MARK1: variants seen among roughly 807,000 people sequenced by gnomAD.
MARK1 encodes the protein microtubule affinity regulating kinase 1.
MARK1 carries 40 observed loss-of-function variants against 96.3 expected under a neutral mutation model. The ratio of observed to expected loss-of-function variants is 0.42; its 90% confidence interval spans 0.32 to 0.54. The LOEUF (loss-of-function observed/expected upper bound fraction) is 0.54, where lower values mean the gene tolerates loss of function less well. Among genes scored for constraint, MARK1 ranks in the 20% least tolerant of loss-of-function variants. The pLI is 0.16. For synonymous variants in MARK1, 317 were observed against 341.2 expected (o/e 0.93, Z 0.78); for missense variants, 719 against 984.6 (o/e 0.73, Z 3.61).
intron 1 of MARK1, among the ~76,000 whole-genome samples, chr1:220,560,819 T>G (rs1558259551): frequency 6.6e-6 from 1 of 152,200 alleles, no homozygotes; most frequent in Admixed American, 6.5e-5. Flanking sequence ...CCAGAGAAAG[T>G]GAAATCACAG....
chr1:220,621,476 C>G (rs981144712), intron 9 of MARK1, among the ~76,000 whole-genome samples: 2 of 151,966 alleles, frequency 1.3e-5, no homozygotes, highest in African/African-American at 4.8e-5. Flanking sequence ...GATACAAATT[C>G]TAGTATTTGA....
At chr1:220,613,820 C>G (rs894781681) in intron 6 of MARK1, among the ~76,000 whole-genome samples, 3 of 152,154 alleles carry the variant, frequency 2.0e-5, no homozygotes, top group Non-Finnish European at 4.4e-5. Flanking sequence ...CCCAGTCACC[C>G]TGCCCAAGAA....
rs527860475 is a variant in MARK1 at position 220,592,938 on chromosome 1, T to C, written c.310-5393T>C. On this transcript the variant is annotated intron_variant, in intron 3 of 17. Transcript: ENST00000366917. ...CTGAGTTGTGATTTTTTAAGTCATT[T>C]CCTACAGCTTAACAAATAAATAAAA... Among the ~76,000 whole-genome samples the C allele has an allele frequency of 1.2e-4, 19 of 152,350 alleles. 1 individual carries two copies. The South Asian group carries it at 2.9e-3, about 23-fold the overall frequency.
At chr1:220,542,681 T>G (rs1290607334) in intron 1 of MARK1, among the ~76,000 whole-genome samples, 1 of 152,196 alleles carries the variant, frequency 6.6e-6, no homozygotes, top group Non-Finnish European at 1.5e-5. Flanking sequence ...TGGTTAACTT[T>G]TAGCTGTTGT....
chr1:220,538,177 C>A (rs1660861914), intron 1 of MARK1, among the ~76,000 whole-genome samples: 1 of 151,420 alleles, frequency 6.6e-6, no homozygotes, highest in Admixed American at 6.6e-5. Flanking sequence ...AATGGTAATG[C>A]CTAGGTTTTC....
Position 220,538,613 on chromosome 1 carries a change from C to G in MARK1, c.51+9740C>G, listed in dbSNP as rs12057242. Reference sequence around the variant, plus strand: ...TTTTTTCCAATTCTGTGAAGAAAGTCATTGGTAGCTTGATGGGGATGGCAT... The same window carrying G: ...TTTTTTCCAATTCTGTGAAGAAAGTGATTGGTAGCTTGATGGGGATGGCAT... On this transcript the variant is annotated intron_variant, in intron 1 of 17. Transcript: ENST00000366917. Among the ~76,000 whole-genome samples the G allele has an allele frequency of 4.8e-3, 719 of 151,006 alleles. 3 individuals are homozygous for G. Among genetic ancestry groups the G allele is most frequent in the Middle Eastern group, 0.01 (3 of 294 alleles).
intron 1 of MARK1, among the ~76,000 whole-genome samples, chr1:220,549,037 A>G (rs536271446): frequency 1.3e-5 from 2 of 152,190 alleles, no homozygotes; most frequent in African/African-American, 4.8e-5. Flanking sequence ...ATACAGGCTC[A>G]GCCACTCCCT....
At chr1:220,635,324 CTTTTTTTT>C (rs71794752) in intron 11 of MARK1, 44 bp from the exon 12 acceptor site, 2 of 1,154,678 alleles carry the variant, frequency 1.7e-6, no homozygotes, top group Admixed American at 3.5e-5. Flanking sequence ...TTTGTGCAAA[CTTTTTTTT>C]TTTTTTTTTT....
At chr1:220,651,957 T>C (rs375108859) in intron 14 of MARK1, 29 bp from the exon 15 acceptor site, 49 of 1,471,412 alleles carry the variant, frequency 3.3e-5, no homozygotes, top group Non-Finnish European at 4.3e-5. Flanking sequence ...TTTTTTTCCA[T>C]GGTCTTCTCA....
Position 220,654,566 on chromosome 1 carries a change from T to G in MARK1, c.1988+1214T>G, listed in dbSNP as rs1320194601. On this transcript the variant is annotated intron_variant, in intron 16 of 17. Coordinates refer to ENST00000366917, the MANE Select transcript of MARK1 (RefSeq NM_018650.5). The surrounding 1 kb of genome is among the most constrained non-coding windows in gnomAD (Gnocchi z 4.0). ...GGGCAATTACTATGCAGCATGAAAC[T>G]TGCTAGAGAAAGAACTAAAAGTTCA... is the stretch of plus-strand genomic sequence containing the variant. Among the ~76,000 whole-genome samples the G allele has an allele frequency of 6.6e-6, 1 of 152,204 alleles. No homozygotes were observed. The highest frequency in any genetic ancestry group is 1.5e-5 in the Non-Finnish European group (1 of 68,028).
intron 13 of MARK1, among the ~76,000 whole-genome samples, chr1:220,641,892 T>G (rs981119526): frequency 6.6e-6 from 1 of 152,170 alleles, no homozygotes; most frequent in African/African-American, 2.4e-5. Context: ...CACTACGCTT[T>G]TCCCACAGAT....
chr1:220,650,695 G>A lies in MARK1; in HGVS notation c.1546G>A (p.Ala516Thr). ...TGAAAGGACCACAGATCGATACGTA[G>A]CATTGCAGAATGGAAAAGACAGCAG... ...VCERTTDRYV[A>T]LQNGKDSSLT... Residue 516 changes from alanine (A) to threonine (T), a missense_variant, in exon 14 of 18, where the codon GCA becomes ACA. By Grantham distance (58) the Ala-to-Thr change is moderately conservative. Coordinates refer to ENST00000366917, the MANE Select transcript of MARK1 (RefSeq NM_018650.5). 6.2e-7 allele frequency: 1 copy of A among 1,613,568 alleles called. No individual in the cohort carries two copies. Among genetic ancestry groups the A allele is most frequent in the Non-Finnish European group, 8.5e-7 (1 of 1,179,570 alleles).
intron 1 of MARK1, among the ~76,000 whole-genome samples, chr1:220,539,681 T>C (rs1209464746): frequency 6.6e-6 from 1 of 152,216 alleles, no homozygotes; most frequent in Non-Finnish European, 1.5e-5. Context: ...ACATTGATTT[T>C]TGTATGTTGT....
chr1:220,528,942 G>T, intron 1 of MARK1, 69 bp downstream of exon 1: 4 of 1,454,574 alleles, frequency 2.7e-6, no homozygotes, highest in Non-Finnish European at 3.7e-6. Context: ...CTTCACCCGC[G>T]CTTGGGCCGT....
rs1660059959 is a variant in MARK1 at position 220,528,449 on chromosome 1, C to T, written c.-374C>T. The T allele has an allele frequency of 4.2e-6, 1 of 236,930 alleles. No homozygotes were observed. Among genetic ancestry groups the T allele is most frequent in the Non-Finnish European group, 8.1e-6 (1 of 123,216 alleles). 14.7% of individuals were successfully genotyped at this position (236,930 alleles called of 1,614,324 possible). ...GGACGAGCCAGGCAGTGATTTGAGGCACCGGCTTCACCTTCACCCATGGTC... is the reference window on the plus strand; with the variant it reads ...GGACGAGCCAGGCAGTGATTTGAGGTACCGGCTTCACCTTCACCCATGGTC... On this transcript the variant is annotated 5_prime_UTR_variant, in exon 1 of 18. Transcript: ENST00000366917.
chr1:220,635,850 C>T lies in MARK1; in HGVS notation c.1294C>T (p.Pro432Ser). The T allele has an allele frequency of 6.3e-7, 1 of 1,599,148 alleles. No individual in the cohort carries two copies. ...FSDHAGPSIP[P>S]AVSYTKRPQA... Reference sequence around the variant, plus strand: ...AATTATAGCTGGTCCATCCATTCCTCCTGCTGTATCATATACCAAAAGACC... The same window carrying T: ...AATTATAGCTGGTCCATCCATTCCTTCTGCTGTATCATATACCAAAAGACC... The change falls in exon 13 of 18, where the codon CCT becomes TCT. Residue 432 changes from proline (P) to serine (S), a missense_variant. Physicochemically the swap from Pro to Ser is moderately conservative, Grantham distance 74. Around this residue, in one of 4 missense-constraint regions of MARK1, gnomAD observed 501 missense variants for 588.3 expected, o/e 0.85. Coordinates refer to ENST00000366917, the MANE Select transcript of MARK1 (RefSeq NM_018650.5).
chr1:220,533,454 C>T (rs1660467596), intron 1 of MARK1, among the ~76,000 whole-genome samples: 1 of 151,902 alleles, frequency 6.6e-6, no homozygotes, highest in Non-Finnish European at 1.5e-5. Flanking sequence ...TTTCCTCTTC[C>T]ATCTCATTGT....
chr1:220,560,882 G>A (rs1662623178), intron 1 of MARK1, among the ~76,000 whole-genome samples: 2 of 152,200 alleles, frequency 1.3e-5, no homozygotes, highest in South Asian at 2.1e-4. Flanking sequence ...GTGATGTTGA[G>A]TCCTCATTGG....
At chr1:220,582,908 C>A (rs2786612) in intron 3 of MARK1, among the ~76,000 whole-genome samples, 3 of 152,186 alleles carry the variant, frequency 2.0e-5, no homozygotes, top group African/African-American at 7.2e-5. Context: ...AGCCAGTACA[C>A]TGTGTGTGTG....
Sources: gnomAD v4.1 joint callset for allele counts (sites outside exome capture counted in the v4.1 genomes callset) on GRCh38, gnomAD v4.1.1 for gene constraint, gnomAD v4.1.1 regional missense constraint, Gnocchi (gnomAD v3.1) non-coding constraint, MANE v1.5 for transcripts, NCBI Gene and HGNC (gene_info 2026-07-23, HGNC 2026-07-21) for gene names.